Variants in CCL28 observed in about 807,000 individuals in gnomAD.
The protein encoded by CCL28 is C-C motif chemokine 28.
In CCL28, 4 loss-of-function variants were observed where a neutral mutation model predicts 7.1. The observed-to-expected ratio is 0.56, with a 90% CI of 0.28 to 1.29. The LOEUF (loss-of-function observed/expected upper bound fraction) is 1.29, where lower values mean the gene tolerates loss of function less well. Among genes scored for constraint, CCL28 ranks in the 50% most tolerant of loss-of-function variants. The pLI, the probability that CCL28 is intolerant of heterozygous loss-of-function variation, is 0.11. For missense variants in CCL28, 151 were observed against 163.4 expected, an observed-to-expected ratio of 0.92 and a Z score of 0.41; for synonymous variants, 55 against 57.8, an observed-to-expected ratio of 0.95 and a Z score of 0.22.
At chr5:43,402,231 C>T (rs1741067091) in intron 1 of CCL28, among the ~76,000 whole-genome samples, 5 of 152,192 alleles carry the variant, frequency 3.3e-5, no homozygotes, top group African/African-American at 9.7e-5. Context: ...GCTTTTCCTA[C>T]ATTCCTTAAA....
At chr5:43,401,095 AAG>A (rs575084484) in intron 1 of CCL28, among the ~76,000 whole-genome samples, 4,434 of 150,550 alleles carry the variant, frequency 0.029, 165 homozygotes, top group African/African-American at 0.092. Flanking sequence ...AAAAAAAAAA[AAG>A]AAAAAGAAAA....
Position 43,380,186 on chromosome 5 carries a change from G to A in CCL28, c.*1674C>T, listed in dbSNP as rs950983938. ...GGTGGAATAGGAGCTAAAAGATGTA[G>A]GCTCCTTGTTTAGGCAGAGCGTAAA... On this transcript the variant is annotated 3_prime_UTR_variant, in exon 3 of 3. Transcript: ENST00000361115. 3.9e-5 allele frequency: 6 copies of A among 151,930 alleles called. No individual in the cohort carries two copies. The highest frequency in any genetic ancestry group is 1.5e-4 in the African/African-American group (6 of 41,348). The allele number at this position is 151,930 out of a possible 1,614,324, so 9.4% of individuals were successfully genotyped here.
chr5:43,389,849 G>A (rs1188613534), intron 1 of CCL28, among the ~76,000 whole-genome samples: 3 of 152,176 alleles, frequency 2.0e-5, no homozygotes, highest in African/African-American at 7.2e-5. Context: ...TAAGAGGCCA[G>A]GAAACAACTT....
intron 1 of CCL28, among the ~76,000 whole-genome samples, chr5:43,397,975 G>T (rs945581167): frequency 2.0e-5 from 3 of 151,848 alleles, no homozygotes; most frequent in African/African-American, 7.3e-5. Flanking sequence ...GCAGAGTTGG[G>T]TCAAGAAAAA....
intron 1 of CCL28, among the ~76,000 whole-genome samples, chr5:43,405,117 G>A (rs1421350954): frequency 2.0e-5 from 3 of 152,054 alleles, no homozygotes; most frequent in South Asian, 2.1e-4. Context: ...AGTTAACAAA[G>A]ATATCCAGGA....
At chr5:43,374,902 T>C (rs749204565), downstream of CCL28, among the ~76,000 whole-genome samples, 2 of 152,178 alleles carry the variant, frequency 1.3e-5, no homozygotes, top group Non-Finnish European at 2.9e-5. Flanking sequence ...GCATTTTAGA[T>C]TGTCTGCTAG....
downstream of CCL28, among the ~76,000 whole-genome samples, chr5:43,373,210 A>C (rs1739824136): frequency 6.6e-6 from 1 of 152,172 alleles, no homozygotes; most frequent in Admixed American, 6.5e-5. Flanking sequence ...CTAGATAGTG[A>C]AGACAGTTCT....
intron 1 of CCL28, among the ~76,000 whole-genome samples, chr5:43,409,635 C>G (rs187714741): frequency 6.6e-6 from 1 of 152,192 alleles, no homozygotes; most frequent in Admixed American, 6.5e-5. Context: ...CAGCAAATCT[C>G]TAGCAAGTAT....
In CCL28 at chr5:43,380,927, TG is replaced by T. The variant is rs1370796964; in HGVS notation, c.*932del. 6.6e-6 allele frequency: 1 copy of T among 151,544 alleles called. No individual in the cohort carries two copies. Among genetic ancestry groups the T allele is most frequent in the African/African-American group, 2.4e-5 (1 of 41,240 alleles). 9.4% of individuals were successfully genotyped at this position (151,544 alleles called of 1,614,324 possible). A position where few individuals can be genotyped will look rare whatever the true frequency, so the allele number is the denominator to read the frequency against. On this transcript the variant is annotated 3_prime_UTR_variant, in exon 3 of 3. Transcript: ENST00000361115. ...TGTCAACCTTGATTGATTACTGGAG[TG>T]AAAAAAAAACTACATAAAATGCTCT...
At chr5:43,373,475 T>C (rs1455634041), downstream of CCL28, among the ~76,000 whole-genome samples, 1 of 152,064 alleles carries the variant, frequency 6.6e-6, no homozygotes, top group Non-Finnish European at 1.5e-5. Context: ...TAATTTTGTA[T>C]TTTTAGTAGA....
chr5:43,405,793 A>C (rs569228702), intron 1 of CCL28, among the ~76,000 whole-genome samples: 2 of 152,352 alleles, frequency 1.3e-5, no homozygotes, highest in African/African-American at 4.8e-5. Context: ...AAATAGACGC[A>C]ATAAAAAATG....
At chr5:43,357,211 C>A in the CCL28 span, among the ~76,000 whole-genome samples, 2 of 152,316 alleles carry the variant, frequency 1.3e-5, no homozygotes, top group East Asian at 3.9e-4. Flanking sequence ...ACTCTCCAAG[C>A]CCTCCTTTGC....
the CCL28 span, among the ~76,000 whole-genome samples, chr5:43,369,057 A>AGAGG: frequency 7.7e-6 from 1 of 130,080 alleles, no homozygotes; most frequent in African/African-American, 3.7e-5. Flanking sequence ...AGAGAGAGAG[A>AGAGG]GAGAGAGAGA....
intron 1 of CCL28, among the ~76,000 whole-genome samples, chr5:43,400,430 C>T (rs556533136): frequency 6.6e-6 from 1 of 152,280 alleles, no homozygotes; most frequent in African/African-American, 2.4e-5. Flanking sequence ...AGGCTATCCT[C>T]CCACCTTTGT....
At chr5:43,364,950 GTC>G in the CCL28 span, among the ~76,000 whole-genome samples, 1 of 148,884 alleles carries the variant, frequency 6.7e-6, no homozygotes, top group African/African-American at 2.5e-5. Flanking sequence ...GCCTATGTGT[GTC>G]TCTGCATGTG....
intron 1 of CCL28, among the ~76,000 whole-genome samples, chr5:43,410,053 A>G (rs903800714): frequency 6.6e-6 from 1 of 152,246 alleles, no homozygotes; most frequent in Non-Finnish European, 1.5e-5. Context: ...CCATTAAGAT[A>G]AGGGAACAGC....
At chr5:43,375,273 G>A (rs1287599485), downstream of CCL28, among the ~76,000 whole-genome samples, 2 of 148,532 alleles carry the variant, frequency 1.3e-5, no homozygotes, top group Admixed American at 6.9e-5. Flanking sequence ...ACAGGCGTGA[G>A]CCACTGCGCC....
In CCL28 at chr5:43,401,064, C is replaced by G. The variant is rs182164235; in HGVS notation, c.64+11189G>C. On this transcript the variant is annotated intron_variant, in intron 1 of 2. Transcript: ENST00000361115. ...CGCCACTGCACTCCAGTGTGGGCAA[C>G]AGAGCAAGACTCCGTCTCAAAAAAA... 3.5e-5 allele frequency among the ~76,000 whole-genome samples: 5 copies of G among 140,992 alleles called. No individual in the cohort carries two copies. The East Asian group carries it at 1.0e-3, about 29-fold the overall frequency. 92.5% of individuals were successfully genotyped at this position (140,992 alleles called of 152,430 possible).
Position 43,381,959 on chromosome 5 carries a change from T to C in CCL28, c.285A>G (p.Lys95=). 1.2e-6 allele frequency: 2 copies of C among 1,614,212 alleles called. No homozygotes were observed. The highest frequency in any genetic ancestry group is 1.7e-6 in the Non-Finnish European group (2 of 1,180,024). ...MKVQAAKKNG[K]GNVCHRKKHH... ...GTTTCTTCCTGTGGCAAACATTTCC[T>C]TTACCATTTTTCTTGGCAGCTTGCA... Residue 95 remains lysine, a synonymous_variant, in exon 3 of 3, where the codon AAA becomes AAG. Coordinates refer to ENST00000361115, the MANE Select transcript of CCL28 (RefSeq NM_148672.3).
Sources: allele counts gnomAD v4.1 joint callset (sites outside exome capture counted in the v4.1 genomes callset), GRCh38; gene constraint gnomAD v4.1.1; transcripts MANE v1.5; gene names NCBI Gene and HGNC (gene_info 2026-07-23, HGNC 2026-07-21).